The following ACSF2 variants were observed in gnomAD, a reference collection of about 807,000 sequenced individuals.
The protein encoded by ACSF2 is acyl-CoA synthetase family member 2.
Under a neutral mutation model 79.3 loss-of-function variants are expected in ACSF2, and 52 were observed. The ratio of observed to expected loss-of-function variants is 0.66; its 90% CI spans 0.53 to 0.83. The LOEUF (loss-of-function observed/expected upper bound fraction) is 0.83, where lower values mean the gene tolerates loss of function less well. Ranked by LOEUF, ACSF2 falls within the 40% of genes least tolerant of loss-of-function variation. The pLI is 0.00. For missense variants in ACSF2, 661 were observed against 803.3 expected (o/e 0.82, Z 2.14); for synonymous variants, 283 against 312.6 (o/e 0.91, Z 1.00).
chr17:50,438,647 A>G (rs1188290434), intron 1 of ACSF2, among the ~76,000 whole-genome samples: 1 of 151,756 alleles, frequency 6.6e-6, no homozygotes, highest in African/African-American at 2.4e-5. Context: ...GCTCACTGCA[A>G]CCTCCACCTC....
chr17:50,436,630 C>T (rs1020964408), intron 1 of ACSF2, among the ~76,000 whole-genome samples: 7 of 151,144 alleles, frequency 4.6e-5, no homozygotes, highest in Admixed American at 4.6e-4. Flanking sequence ...GACAGGGTTT[C>T]GCCATGTTGG....
intron 1 of ACSF2, among the ~76,000 whole-genome samples, chr17:50,434,404 G>A (rs1446273686): frequency 6.6e-6 from 1 of 151,738 alleles, no homozygotes. Flanking sequence ...AATCTTTACT[G>A]GGCTGGGTGC....
At chr17:50,464,777 G>GGGGA in intron 10 of ACSF2, 2 of 331,142 alleles carry the variant, frequency 6.0e-6, no homozygotes, top group Admixed American at 8.0e-5. Context: ...CTTGGGGGGG[G>GGGGA]GGTCTCAGCA....
chr17:50,429,531 T>G (rs944755859), intron 1 of ACSF2, among the ~76,000 whole-genome samples: 1 of 150,106 alleles, frequency 6.7e-6, no homozygotes, highest in Non-Finnish European at 1.5e-5. Flanking sequence ...CTTTTTTTTT[T>G]ATTTGAGGTG....
chr17:50,428,463 G>A (rs1257629965), intron 1 of ACSF2, among the ~76,000 whole-genome samples: 3 of 150,912 alleles, frequency 2.0e-5, no homozygotes, highest in South Asian at 2.1e-4. Context: ...CTGGGTGACA[G>A]AGGGAGACTC....
chr17:50,462,344 T>A (rs752230148), intron 5 of ACSF2, 42 bp downstream of exon 5: 5 of 1,611,970 alleles, frequency 3.1e-6, no homozygotes, highest in Non-Finnish European at 4.2e-6. Context: ...TCATTCAGCA[T>A]CCCTGATTCC....
rs756890149 is a variant in ACSF2, at chr17:50,472,414, C to G, written c.1324-14C>G. 7 of 1,607,122 alleles carry G rather than the reference C, an allele frequency of 4.4e-6. No homozygotes were observed. The highest frequency in any genetic ancestry group is 5.9e-6 in the Non-Finnish European group (7 of 1,177,140). On this transcript the variant is annotated splice_polypyrimidine_tract_variant and intron_variant, in intron 11 of 15. Transcript: ENST00000300441. ...GAGGATAGGAAGCCCCAACCTGAGG[C>G]CATCCTGTCCCAGGCCCGGATCATG...
rs1486475716 is a variant in ACSF2 at position 50,460,440 on chromosome 17, G to A, written c.129-237G>A. Reference sequence around the variant, plus strand: ...TCTCACCTTTCCCGGGAAGGCGAAGGAGGGCCCTTTGCTCCAGCTTGGTGT... The same window carrying A: ...TCTCACCTTTCCCGGGAAGGCGAAGAAGGGCCCTTTGCTCCAGCTTGGTGT... On this transcript the variant is annotated intron_variant, in intron 1 of 15. Transcript: ENST00000300441. 23 of 561,796 alleles carry A rather than the reference G, an allele frequency of 4.1e-5. No homozygotes were observed. The East Asian group carries it at 7.2e-4, about 18-fold the overall frequency. 34.8% of individuals were successfully genotyped at this position (561,796 alleles called of 1,614,324 possible).
chr17:50,442,377 G>C (rs1184198184), intron 1 of ACSF2, among the ~76,000 whole-genome samples: 1 of 141,890 alleles, frequency 7.0e-6, no homozygotes, highest in Non-Finnish European at 1.5e-5. Context: ...TGCCCAGGCT[G>C]ATCTCAAACT....
intron 1 of ACSF2, among the ~76,000 whole-genome samples, chr17:50,444,783 G>C (rs2031187967): frequency 6.6e-6 from 1 of 151,832 alleles, no homozygotes; most frequent in South Asian, 2.1e-4. Context: ...CTGTGACATG[G>C]GCACCTCTTC....
Position 50,448,453 on chromosome 17 carries a change from G to T in ACSF2, c.129-12224G>T, listed in dbSNP as rs114098847. Among the ~76,000 whole-genome samples the T allele has an allele frequency of 6.5e-3, 991 of 152,228 alleles. 8 individuals are homozygous for T. The highest frequency in any genetic ancestry group is 0.023 in the African/African-American group (941 of 41,534). ...TTGTGTCACATTCACAAGGGGAGGGGAGTACACTCCATGTTCTTGTCACAG... is the reference window on the plus strand; with the variant it reads ...TTGTGTCACATTCACAAGGGGAGGGTAGTACACTCCATGTTCTTGTCACAG... On this transcript the variant is annotated intron_variant, in intron 1 of 15. Coordinates refer to ENST00000300441, the MANE Select transcript of ACSF2 (RefSeq NM_025149.6).
At position 50,463,984 on chromosome 17, in the gene ACSF2, C is replaced by G. The variant is rs970770526; in HGVS notation, c.1138+75C>G. 2.0e-5 allele frequency: 25 copies of G among 1,260,062 alleles called. No homozygotes were observed. The African/African-American group carries it at 2.9e-4, about 14-fold the overall frequency. The allele number at this position is 1,260,062 out of a possible 1,614,324, so 78.1% of individuals were successfully genotyped here. ...CACAGGAATGGCCCGGGTGAGTTAG[C>G]TATGCTCCCAGTCTTTTATATAGGG... On this transcript the variant is annotated intron_variant, in intron 9 of 15. Transcript: ENST00000300441. The surrounding 1 kb of genome is among the most constrained non-coding windows in gnomAD (Gnocchi z 4.6).
At chr17:50,459,530 G>C (rs546564287) in intron 1 of ACSF2, among the ~76,000 whole-genome samples, 7 of 152,318 alleles carry the variant, frequency 4.6e-5, no homozygotes, top group Non-Finnish European at 8.8e-5. Context: ...TTACAGGTGT[G>C]AGCCACCATG....
chr17:50,449,628 A>T (rs1162752030), intron 1 of ACSF2, among the ~76,000 whole-genome samples: 9 of 148,390 alleles, frequency 6.1e-5, no homozygotes, highest in Non-Finnish European at 1.0e-4. Context: ...GTTAGCCAGG[A>T]TGGTCTCCAT....
At chr17:50,456,743 GATAAAA>G (rs146877502) in intron 1 of ACSF2, among the ~76,000 whole-genome samples, 5,764 of 147,962 alleles carry the variant, frequency 0.039, 366 homozygotes, top group African/African-American at 0.14. Context: ...AAAAAATAAT[GATAAAA>G]ATAAAATAAA....
chr17:50,443,591 G>T (rs573048876), intron 1 of ACSF2, among the ~76,000 whole-genome samples: 4 of 152,300 alleles, frequency 2.6e-5, no homozygotes, highest in Admixed American at 6.5e-5. Context: ...TTCTTGATTT[G>T]CAGCCAGCTT....
rs879132375 is a variant in ACSF2 at position 50,465,848 on chromosome 17, C to A, written c.1215+1554C>A. 5 of 1,613,684 alleles carry A rather than the reference C, an allele frequency of 3.1e-6. No individual in the cohort carries two copies. The Admixed American group carries it at 8.3e-5, about 27-fold the overall frequency. On this transcript the variant is annotated intron_variant, in intron 10 of 15. Transcript: ENST00000300441. Reference sequence around the variant, plus strand: ...ATGGACGTGTTTCAGCGTGGTTACACCCAGGAAGGCACCATCTGAGAACTG... The same window carrying A: ...ATGGACGTGTTTCAGCGTGGTTACAACCAGGAAGGCACCATCTGAGAACTG...
At chr17:50,454,522 C>CA (rs1309139308) in intron 1 of ACSF2, among the ~76,000 whole-genome samples, 1 of 152,054 alleles carries the variant, frequency 6.6e-6, no homozygotes, top group Non-Finnish European at 1.5e-5. Flanking sequence ...CTATGTGGTC[C>CA]AAAATGCTAC....
intron 1 of ACSF2, among the ~76,000 whole-genome samples, chr17:50,439,590 G>T (rs1318604312): frequency 6.6e-6 from 1 of 152,076 alleles, no homozygotes; most frequent in Non-Finnish European, 1.5e-5. Flanking sequence ...TTTAGGTATT[G>T]CCCTGGCGAG....
Sources: allele counts gnomAD v4.1 joint callset (sites outside exome capture counted in the v4.1 genomes callset), GRCh38; gene constraint gnomAD v4.1.1; non-coding constraint Gnocchi (gnomAD v3.1); transcripts MANE v1.5; gene names NCBI Gene and HGNC (gene_info 2026-07-23, HGNC 2026-07-21).